Variants in ZNF532 observed in about 807,000 individuals in gnomAD.
The protein encoded by ZNF532 is zinc finger protein 532.
Under a neutral mutation model 89.3 loss-of-function variants are expected in ZNF532, and 22 were observed. The ratio of observed to expected loss-of-function variants is 0.25; its 90% CI spans 0.18 to 0.35. The LOEUF (loss-of-function observed/expected upper bound fraction) is 0.35. ZNF532 is among the 10% of genes least tolerant of loss of function. ZNF532 has a pLI of 1.00. For missense variants in ZNF532, 1,132 were observed against 1,643.4 expected, an observed-to-expected ratio of 0.69 and a Z score of 5.38; for synonymous variants, 606 against 649.6, an observed-to-expected ratio of 0.93 and a Z score of 1.02.
intron 7 of ZNF532, 138 bp downstream of exon 7, chr18:58,953,937 C>T: frequency 7.0e-7 from 1 of 1,433,796 alleles, no homozygotes. Context: ...TGTCTCTCTG[C>T]CTCACTTCTT....
chr18:58,891,095 A>G (rs1413980525), intron 2 of ZNF532, among the ~76,000 whole-genome samples: 1 of 151,982 alleles, frequency 6.6e-6, no homozygotes, highest in Non-Finnish European at 1.5e-5. Flanking sequence ...ATTTTTTGTA[A>G]TTTTTAGTAG....
rs753186648 is a variant in ZNF532 at position 58,888,724 on chromosome 18, T to TATATAATTTATATATATA, written c.-18+23146_-18+23147insTATAATTTATATATATAA. On this transcript the variant is annotated intron_variant, in intron 2 of 9. Coordinates refer to ENST00000591808, the MANE Select transcript of ZNF532 (RefSeq NM_001375912.1). ...ATATATATATATATATATATATATA[T>TATATAATTTATATATATA]AAATTATATATATATATTTTATATA... Among the ~76,000 whole-genome samples, 28 of 37,824 alleles carry TATATAATTTATATATATA rather than the reference T, an allele frequency of 7.4e-4. 2 individuals carry two copies. Among genetic ancestry groups the TATATAATTTATATATATA allele is most frequent in the Admixed American group, 4.2e-3 (9 of 2,130 alleles). 24.8% of individuals were successfully genotyped at this position (37,824 alleles called of 152,430 possible).
In ZNF532 at chr18:58,918,451, C is replaced by T. The variant is rs1267489261; in HGVS notation, c.164C>T (p.Ser55Leu). 1 of 1,614,192 alleles carries T rather than the reference C, an allele frequency of 6.2e-7. No individual in the cohort carries two copies. Among genetic ancestry groups the T allele is most frequent in the South Asian group, 1.1e-5 (1 of 91,084 alleles). ...GGAGAGGATGACTCCCACGCACCAT[C>T]ATCTTCTGATGTGGGTGTCAGCGTT... is the stretch of plus-strand genomic sequence containing the variant. ...AHGEDDSHAP[S>L]SSDVGVSVIV... Residue 55 changes from serine (S) to leucine (L), a missense_variant, in exon 3 of 10, where the codon TCA (serine) becomes TTA (leucine). Ser to Leu is a moderately radical substitution (Grantham distance 145, BLOSUM62 -2). Transcript: ENST00000591808.
In ZNF532 at chr18:58,938,658, G is replaced by A. The variant is rs538597533; in HGVS notation, c.2529-787G>A. On this transcript the variant is annotated intron_variant, in intron 4 of 9. Transcript: ENST00000591808. Reference sequence around the variant, plus strand: ...AACCCCACATACATTGACCACATCAGTGTGTACCAGGAAACAGTGGGCCGA... The same window carrying A: ...AACCCCACATACATTGACCACATCAATGTGTACCAGGAAACAGTGGGCCGA... 1.2e-4 allele frequency among the ~76,000 whole-genome samples: 19 copies of A among 152,322 alleles called. No individual in the cohort carries two copies. In the East Asian group the frequency reaches 3.1e-3, roughly 25 times the overall value.
At chr18:58,894,082 CCTTT>C (rs1054714226) in intron 2 of ZNF532, among the ~76,000 whole-genome samples, 1 of 152,178 alleles carries the variant, frequency 6.6e-6, no homozygotes, top group African/African-American at 2.4e-5. Context: ...ATTGCTGTGG[CCTTT>C]CTTTGTGGCC....
In ZNF532 at chr18:58,978,296, A is replaced by G. The variant is rs1293294768; in HGVS notation, c.3151-759A>G. The stretch of plus-strand genomic sequence containing the variant: ...TATTATTTAAAACAAAAATCCTTCT[A>G]GAAAACTTCCCTTATATAATGAATA... On this transcript the variant is annotated intron_variant, in intron 7 of 9. Coordinates refer to ENST00000591808, the MANE Select transcript of ZNF532 (RefSeq NM_001375912.1). Among the ~76,000 whole-genome samples the G allele has an allele frequency of 2.6e-5, 4 of 152,214 alleles. No homozygotes were observed. The East Asian group carries it at 7.7e-4, about 29-fold the overall frequency.
At chr18:58,958,179 G>C (rs7233187) in intron 7 of ZNF532, among the ~76,000 whole-genome samples, 3,814 of 151,752 alleles carry the variant, frequency 0.025, 180 homozygotes, top group African/African-American at 0.087. Flanking sequence ...TCTACTTTCA[G>C]TGGTTTTTAA....
intron 2 of ZNF532, chr18:58,916,724 A>G (rs1366201747): frequency 2.0e-6 from 2 of 985,450 alleles, no homozygotes; most frequent in Non-Finnish European, 2.4e-6. Context: ...ATGTGTCCCC[A>G]GAGTGAGTTA....
intron 9 of ZNF532, among the ~76,000 whole-genome samples, chr18:58,982,756 A>G (rs1463548819): frequency 1.3e-5 from 2 of 152,200 alleles, no homozygotes; most frequent in Non-Finnish European, 2.9e-5. Flanking sequence ...CCTCCTCAGA[A>G]TATAAGTCAG....
chr18:58,969,799 G>T (rs532822129), intron 7 of ZNF532, among the ~76,000 whole-genome samples: 112 of 151,268 alleles, frequency 7.4e-4, no homozygotes, highest in African/African-American at 2.7e-3. Flanking sequence ...TTGATTTGTG[G>T]AAATAAATAC....
intron 5 of ZNF532, among the ~76,000 whole-genome samples, chr18:58,940,949 C>CACAT (rs2062940440): frequency 2.1e-5 from 3 of 141,858 alleles, no homozygotes; most frequent in African/African-American, 7.5e-5. Context: ...CACACACACA[C>CACAT]ACACACACAC....
chr18:58,925,149 A>G (rs2061428302), intron 3 of ZNF532, among the ~76,000 whole-genome samples: 1 of 152,176 alleles, frequency 6.6e-6, no homozygotes, highest in South Asian at 2.1e-4. Flanking sequence ...TCATCAGAGT[A>G]TAACTGCTGT....
chr18:58,939,340 A>G (rs2062783468), intron 4 of ZNF532, 105 bp from the exon 5 acceptor site: 11 of 896,272 alleles, frequency 1.2e-5, no homozygotes, highest in Non-Finnish European at 1.8e-5. Flanking sequence ...AAGGGCCATT[A>G]AAAACCTAAA....
chr18:58,867,020 G>A (rs2056525833), intron 2 of ZNF532, among the ~76,000 whole-genome samples: 1 of 152,266 alleles, frequency 6.6e-6, no homozygotes, highest in Non-Finnish European at 1.5e-5. Flanking sequence ...TTGCAAAGCA[G>A]ATCCGAATCC....
At chr18:58,897,884 G>A (rs763548507) in intron 2 of ZNF532, among the ~76,000 whole-genome samples, 33 of 152,222 alleles carry the variant, frequency 2.2e-4, no homozygotes, top group Middle Eastern at 3.4e-3. Context: ...ATTCAGAGGC[G>A]GAGGTTGCAG....
At chr18:58,947,552 G>C (rs1056619945) in intron 5 of ZNF532, among the ~76,000 whole-genome samples, 12 of 152,020 alleles carry the variant, frequency 7.9e-5, no homozygotes, top group Non-Finnish European at 1.6e-4. Context: ...ACTGGTGTAG[G>C]GCTTCCTGTG....
At chr18:58,906,542 C>T (rs2059947766) in intron 2 of ZNF532, among the ~76,000 whole-genome samples, 1 of 152,136 alleles carries the variant, frequency 6.6e-6, no homozygotes, top group South Asian at 2.1e-4. Context: ...CCGAGGAGCC[C>T]TGGCTTCGTT....
chr18:58,867,586 G>C (rs1032680689), intron 2 of ZNF532, among the ~76,000 whole-genome samples: 11 of 152,250 alleles, frequency 7.2e-5, no homozygotes, highest in African/African-American at 2.6e-4. Flanking sequence ...GGAGAGCCAG[G>C]GGGGACCCGG....
chr18:58,867,595 G>C (rs532589819), intron 2 of ZNF532, among the ~76,000 whole-genome samples: 1 of 152,272 alleles, frequency 6.6e-6, no homozygotes, highest in South Asian at 2.1e-4. Flanking sequence ...GGGGGGACCC[G>C]GTGCCTGCAG....
Sources: allele counts gnomAD v4.1 joint callset (sites outside exome capture counted in the v4.1 genomes callset), GRCh38; gene constraint gnomAD v4.1.1; transcripts MANE v1.5; gene names NCBI Gene and HGNC (gene_info 2026-07-23, HGNC 2026-07-21).